Variants in ROCK1 observed in about 807,000 individuals in gnomAD.
ROCK1 encodes Rho associated coiled-coil containing protein kinase 1.
ROCK1 carries 36 observed loss-of-function variants against 196.8 expected under a neutral mutation model. The observed-to-expected ratio is 0.18, with a 90% CI of 0.14 to 0.24. ROCK1 has a LOEUF of 0.24. Ranked by LOEUF, ROCK1 falls within the 10% of genes least tolerant of loss-of-function variation. The probability of loss-of-function intolerance (pLI) is 1.00; values close to 1 mark genes in which losing one functional copy is unlikely to be tolerated. For synonymous variants in ROCK1, 443 were observed against 515.9 expected (o/e 0.86, Z 1.91); for missense variants, 920 against 1,562.0 (o/e 0.59, Z 6.93).
intron 2 of ROCK1, among the ~76,000 whole-genome samples, chr18:21,067,827 T>C (rs2036349624): frequency 6.6e-6 from 1 of 152,236 alleles, no homozygotes; most frequent in South Asian, 2.1e-4. Flanking sequence ...CATGAAGATT[T>C]CAACCTATGT....
intron 2 of ROCK1, among the ~76,000 whole-genome samples, chr18:21,051,129 G>C (rs2036200665): frequency 6.6e-6 from 1 of 152,076 alleles, no homozygotes; most frequent in African/African-American, 2.4e-5. Flanking sequence ...CTGAATAGTA[G>C]CGGTTAGCTA....
intron 1 of ROCK1, among the ~76,000 whole-genome samples, chr18:21,075,727 G>T (rs1355996566): frequency 6.6e-6 from 1 of 152,080 alleles, no homozygotes; most frequent in Non-Finnish European, 1.5e-5. Context: ...GCCGAGGCTG[G>T]TGGATCACCT....
chr18:21,014,699 A>G (rs1568383804), intron 13 of ROCK1, among the ~76,000 whole-genome samples: 1 of 152,234 alleles, frequency 6.6e-6, no homozygotes, highest in Non-Finnish European at 1.5e-5. Flanking sequence ...AAAGCTACCC[A>G]TGAAAGCAAG....
rs1380669013 is a variant in ROCK1, at chr18:20,990,216, G to T, written c.2143+960C>A. On this transcript the variant is annotated intron_variant, in intron 18 of 32. Coordinates refer to ENST00000399799, the MANE Select transcript of ROCK1 (RefSeq NM_005406.3). ...GGGTTGTGTTTGGAGGCATAACACA[G>T]TGGAAGTACAAAGAAATGAGAAAAC... Among the ~76,000 whole-genome samples the T allele has an allele frequency of 2.0e-5, 3 of 152,180 alleles. No individual in the cohort carries two copies. In the East Asian group the frequency reaches 5.8e-4, roughly 29 times the overall value.
Position 21,027,750 on chromosome 18 carries a change from ATTTTTTTTTTTT to A in ROCK1, c.1211+1014_1211+1025del, listed in dbSNP as rs751964514. On this transcript the variant is annotated intron_variant, in intron 10 of 32. Coordinates refer to ENST00000399799, the MANE Select transcript of ROCK1 (RefSeq NM_005406.3). ...GTAAAATTTGGGGAGGAATCACTTA[ATTTTTTTTTTTT>A]TTTTTTTTTTTTTTTTTGAGACGGA... 3.7e-4 allele frequency among the ~76,000 whole-genome samples: 35 copies of A among 95,324 alleles called. No individual in the cohort carries two copies. The South Asian group carries it at 7.9e-3, about 21-fold the overall frequency. 62.5% of individuals were successfully genotyped at this position (95,324 alleles called of 152,430 possible). A position where few individuals can be genotyped will look rare whatever the true frequency, so the allele number is the denominator to read the frequency against.
chr18:20,987,633 T>C (rs912717335), intron 18 of ROCK1, among the ~76,000 whole-genome samples: 6 of 152,218 alleles, frequency 3.9e-5, no homozygotes, highest in Non-Finnish European at 8.8e-5. Context: ...GGCTCCTTTT[T>C]TGAAATATAA....
chr18:21,085,628 G>A (rs540202597), intron 1 of ROCK1, among the ~76,000 whole-genome samples: 1 of 152,252 alleles, frequency 6.6e-6, no homozygotes, highest in Admixed American at 6.6e-5. Flanking sequence ...AAAGATGTAA[G>A]GGAGAACAGG....
At position 20,949,242 on chromosome 18, in the gene ROCK1, A is replaced by G. The variant is rs1362671441; in HGVS notation, c.*2142T>C. ...TTAGGTAATGGTGATGAGTCTGAGAAGGTAGTAAGGACACCGTCAGGAACT... is the reference window on the plus strand; with the variant it reads ...TTAGGTAATGGTGATGAGTCTGAGAGGGTAGTAAGGACACCGTCAGGAACT... On this transcript the variant is annotated 3_prime_UTR_variant, in exon 33 of 33. Coordinates refer to ENST00000399799, the MANE Select transcript of ROCK1 (RefSeq NM_005406.3). 3 of 152,048 alleles carry G rather than the reference A, an allele frequency of 2.0e-5. No homozygotes were observed. The highest frequency in any genetic ancestry group is 7.2e-5 in the African/African-American group (3 of 41,388). The allele number at this position is 152,048 out of a possible 1,614,324, so 9.4% of individuals were successfully genotyped here.
At chr18:21,027,232 C>G (rs2035966260) in intron 10 of ROCK1, among the ~76,000 whole-genome samples, 1 of 152,164 alleles carries the variant, frequency 6.6e-6, no homozygotes, top group South Asian at 2.1e-4. Flanking sequence ...AGCCACCGTG[C>G]CTGGCCGAGA....
At chr18:21,086,613 T>G (rs1031598285) in intron 1 of ROCK1, among the ~76,000 whole-genome samples, 2 of 152,024 alleles carry the variant, frequency 1.3e-5, no homozygotes, top group African/African-American at 4.8e-5. Context: ...TAAAAGGGAC[T>G]AAAACAAATG....
At chr18:20,989,916 T>C (rs1257400231) in intron 18 of ROCK1, among the ~76,000 whole-genome samples, 1 of 151,882 alleles carries the variant, frequency 6.6e-6, no homozygotes, top group Non-Finnish European at 1.5e-5. Context: ...TAAATAAAAA[T>C]CTGGGAGAAG....
chr18:21,053,239 T>C (rs1241023617), intron 2 of ROCK1, among the ~76,000 whole-genome samples: 1 of 152,076 alleles, frequency 6.6e-6, no homozygotes, highest in East Asian at 1.9e-4. Context: ...GCTAGGCTAG[T>C]GAATAAACCA....
chr18:21,022,348 T>G (rs1026462495), intron 11 of ROCK1, among the ~76,000 whole-genome samples: 6 of 152,188 alleles, frequency 3.9e-5, no homozygotes, highest in Admixed American at 3.9e-4. Context: ...AGAACTCAAC[T>G]AAAATGTATT....
intron 22 of ROCK1, among the ~76,000 whole-genome samples, chr18:20,978,770 G>C (rs1316203804): frequency 6.6e-6 from 1 of 152,180 alleles, no homozygotes; most frequent in Non-Finnish European, 1.5e-5. Context: ...CTTGAGGTGG[G>C]GAGGAAAGAA....
intron 1 of ROCK1, among the ~76,000 whole-genome samples, chr18:21,109,788 TGC>T (rs1420521572): frequency 6.6e-6 from 1 of 152,222 alleles, no homozygotes; most frequent in Admixed American, 6.5e-5. Context: ...TGATTCAAGA[TGC>T]GATTTTTGAA....
intron 29 of ROCK1, 167 bp from the exon 30 acceptor site, chr18:20,955,412 A>T (rs928717767): frequency 1.1e-6 from 1 of 889,492 alleles, no homozygotes; most frequent in African/African-American, 1.7e-5. Context: ...CTACACATCT[A>T]TCAGAGTTAA....
chr18:20,995,391 C>G (rs907304792), intron 16 of ROCK1, among the ~76,000 whole-genome samples: 1 of 152,186 alleles, frequency 6.6e-6, no homozygotes, highest in African/African-American at 2.4e-5. Flanking sequence ...TTTGAACAAC[C>G]ATTCGCACAG....
intron 13 of ROCK1, among the ~76,000 whole-genome samples, chr18:21,013,871 C>A (rs1371862973): frequency 1.3e-5 from 2 of 152,024 alleles, no homozygotes; most frequent in East Asian, 1.9e-4. Flanking sequence ...ACAATCCTGG[C>A]TAATACAGTG....
Position 20,967,094 on chromosome 18 carries a change from C to T in ROCK1, c.3193-18G>A. 6.4e-7 allele frequency: 1 copy of T among 1,558,048 alleles called. No individual in the cohort carries two copies. The highest frequency in any genetic ancestry group is 1.4e-5 in the African/African-American group (1 of 73,670). On this transcript the variant is annotated intron_variant, in intron 26 of 32. Coordinates refer to ENST00000399799, the MANE Select transcript of ROCK1 (RefSeq NM_005406.3). Reference sequence around the variant, plus strand: ...ACCAATTGCTAATTTTGAAAAGTATCAAGATAATATAATCAAGCTAAAACA... The same window carrying T: ...ACCAATTGCTAATTTTGAAAAGTATTAAGATAATATAATCAAGCTAAAACA...
Sources: gnomAD v4.1 joint callset for allele counts (sites outside exome capture counted in the v4.1 genomes callset) on GRCh38, gnomAD v4.1.1 for gene constraint, MANE v1.5 for transcripts, NCBI Gene and HGNC (gene_info 2026-07-23, HGNC 2026-07-21) for gene names.